The following NELL1 variants were observed in gnomAD, a reference collection of about 807,000 sequenced individuals.
NELL1 encodes the protein neural EGFL like 1, also known as protein kinase C-binding protein NELL1.
A neutral mutation model predicts 107.4 loss-of-function variants in NELL1; 76 were observed. That is an observed-to-expected ratio of 0.71 (90% CI 0.59 to 0.86). The LOEUF is 0.86. NELL1 is among the 40% of genes least tolerant of loss of function. The pLI is 0.00. For synonymous variants in NELL1, 353 were observed against 341.2 expected (o/e 1.03, Z -0.38); for missense variants, 1,024 against 1,005.5 (o/e 1.02, Z -0.25).
chr11:21,471,221 C>T lies in NELL1; in HGVS notation c.1646-63153C>T, dbSNP rs150283027. On this transcript the variant is annotated intron_variant, in intron 15 of 19. Coordinates refer to ENST00000357134, the MANE Select transcript of NELL1 (RefSeq NM_006157.5). ...TCCACTCACTCTTTTGCCCTCTTTTCAGCAGTCTTTCTCTATTTGGAAAAA... is the reference window on the plus strand; with the variant it reads ...TCCACTCACTCTTTTGCCCTCTTTTTAGCAGTCTTTCTCTATTTGGAAAAA... Among the ~76,000 whole-genome samples, 25 of 151,946 alleles carry T rather than the reference C, an allele frequency of 1.6e-4. No individual in the cohort carries two copies. The East Asian group carries it at 3.7e-3, about 22-fold the overall frequency.
intron 12 of NELL1, among the ~76,000 whole-genome samples, chr11:20,996,758 G>A (rs1852099015): frequency 6.6e-6 from 1 of 152,132 alleles, no homozygotes; most frequent in African/African-American, 2.4e-5. Flanking sequence ...AGCAAATTGA[G>A]TAGCAAATTC....
intron 2 of NELL1, among the ~76,000 whole-genome samples, chr11:20,709,688 C>G (rs1208445294): frequency 1.2e-4 from 19 of 152,068 alleles, no homozygotes; most frequent in Admixed American, 1.2e-3. Context: ...GATGTATTTC[C>G]ACTTGTTTGT....
At chr11:20,733,098 G>T (rs1005725738) in intron 2 of NELL1, among the ~76,000 whole-genome samples, 1 of 152,102 alleles carries the variant, frequency 6.6e-6, no homozygotes, top group African/African-American at 2.4e-5. Flanking sequence ...AAATCAAAGG[G>T]CCTGGTATAT....
intron 14 of NELL1, among the ~76,000 whole-genome samples, chr11:21,269,450 A>G (rs957837068): frequency 6.6e-6 from 1 of 151,972 alleles, no homozygotes; most frequent in Admixed American, 6.6e-5. Flanking sequence ...GAAGAAATTC[A>G]GGAGAAAAAA....
At chr11:21,390,120 A>T (rs1278729385) in intron 15 of NELL1, among the ~76,000 whole-genome samples, 1 of 151,782 alleles carries the variant, frequency 6.6e-6, no homozygotes, top group Non-Finnish European at 1.5e-5. Flanking sequence ...TAATTACATT[A>T]TAGTTTTAAC....
chr11:21,371,317 C>T (rs528604901), intron 15 of NELL1, among the ~76,000 whole-genome samples: 37 of 152,150 alleles, frequency 2.4e-4, no homozygotes, highest in South Asian at 8.3e-4. Flanking sequence ...GCTGTGTCAA[C>T]GGAATCTAAA....
chr11:20,946,419 A>T (rs1360034427), intron 10 of NELL1, among the ~76,000 whole-genome samples: 1 of 152,252 alleles, frequency 6.6e-6, no homozygotes, highest in Non-Finnish European at 1.5e-5. Flanking sequence ...AATTTTTACA[A>T]ATTGGCATCA....
intron 2 of NELL1, among the ~76,000 whole-genome samples, chr11:20,713,717 G>A (rs1316718670): frequency 1.3e-5 from 2 of 152,138 alleles, no homozygotes; most frequent in African/African-American, 2.4e-5. Flanking sequence ...ATTTCATTTG[G>A]AAGCTTGGTT....
At chr11:20,746,148 C>G (rs186055698) in intron 2 of NELL1, among the ~76,000 whole-genome samples, 15 of 152,272 alleles carry the variant, frequency 9.9e-5, no homozygotes, top group Admixed American at 6.5e-4. Flanking sequence ...TCTGTAGTCA[C>G]CTGGACTGTG....
At chr11:21,213,255 T>C (rs927954479) in intron 13 of NELL1, among the ~76,000 whole-genome samples, 1 of 152,154 alleles carries the variant, frequency 6.6e-6, no homozygotes, top group Admixed American at 6.5e-5. Flanking sequence ...AGGCATACTG[T>C]ATCCATGGAT....
At chr11:21,426,867 G>A (rs555019071) in intron 15 of NELL1, among the ~76,000 whole-genome samples, 3 of 152,226 alleles carry the variant, frequency 2.0e-5, no homozygotes, top group East Asian at 1.9e-4. Flanking sequence ...AGAGAATTAC[G>A]ACATAGTCCA....
rs184297142 is a variant in NELL1 at position 21,120,153 on chromosome 11, G to A, written c.1426+6439G>A. On this transcript the variant is annotated intron_variant, in intron 13 of 19. Transcript: ENST00000357134. Reference sequence around the variant, plus strand: ...ATGTTTGAAATAGAGAAAACTTAAAGACTTAGATATAATAGCCTATTAATT... The same window carrying A: ...ATGTTTGAAATAGAGAAAACTTAAAAACTTAGATATAATAGCCTATTAATT... Among the ~76,000 whole-genome samples, 427 of 152,136 alleles carry A rather than the reference G, an allele frequency of 2.8e-3. 1 individual carries two copies. Among genetic ancestry groups the A allele is most frequent in the Middle Eastern group, 0.01 (3 of 294 alleles).
At chr11:20,674,599 G>A (rs1211353999) in intron 1 of NELL1, 2 of 1,337,906 alleles carry the variant, frequency 1.5e-6, no homozygotes, top group South Asian at 1.3e-5. Flanking sequence ...CTATTTTATG[G>A]ATGAGGAAAC....
intron 15 of NELL1, among the ~76,000 whole-genome samples, chr11:21,511,421 C>A (rs748504581): frequency 1.1e-4 from 17 of 152,154 alleles, no homozygotes; most frequent in Non-Finnish European, 1.6e-4. Flanking sequence ...TCACCAACGG[C>A]AATCTGGAGT....
chr11:21,266,800 A>G (rs1480892133), intron 14 of NELL1, among the ~76,000 whole-genome samples: 2 of 152,058 alleles, frequency 1.3e-5, no homozygotes, highest in Non-Finnish European at 2.9e-5. Flanking sequence ...ACTCATAAGA[A>G]TTGTTATAAG....
chr11:21,286,631 T>C (rs1849123747), intron 14 of NELL1, among the ~76,000 whole-genome samples: 1 of 152,238 alleles, frequency 6.6e-6, no homozygotes, highest in African/African-American at 2.4e-5. Flanking sequence ...AATGGGGGTT[T>C]ATGATACACT....
chr11:21,343,858 C>A (rs1031339307), intron 14 of NELL1, among the ~76,000 whole-genome samples: 2 of 152,158 alleles, frequency 1.3e-5, no homozygotes, highest in African/African-American at 4.8e-5. Flanking sequence ...TAGCACCTAG[C>A]TCAGTGTCTG....
chr11:21,329,351 C>T (rs1460930792), intron 14 of NELL1, among the ~76,000 whole-genome samples: 2 of 152,136 alleles, frequency 1.3e-5, no homozygotes, highest in African/African-American at 2.4e-5. Context: ...GTTTCCCCTT[C>T]CACCATGGTT....
intron 2 of NELL1, chr11:20,769,145 CAGTG>C (rs1387612959): frequency 6.6e-6 from 1 of 152,386 alleles, no homozygotes; most frequent in East Asian, 1.9e-4. Context: ...GGCAAACTGA[CAGTG>C]AGGGGCTGAT....
Sources: gnomAD v4.1 joint callset for allele counts (sites outside exome capture counted in the v4.1 genomes callset) on GRCh38, gnomAD v4.1.1 for gene constraint, MANE v1.5 for transcripts, NCBI Gene and HGNC (gene_info 2026-07-23, HGNC 2026-07-21) for gene names.